Variants in PSMD7 observed in about 807,000 individuals in gnomAD.
The protein encoded by PSMD7 is proteasome 26S subunit, non-ATPase 7.
PSMD7 carries 13 observed loss-of-function variants against 36.4 expected under a neutral mutation model. The ratio of observed to expected loss-of-function variants is 0.36; its 90% CI spans 0.23 to 0.57. The LOEUF (loss-of-function observed/expected upper bound fraction) is 0.57. Ranked by LOEUF, PSMD7 falls within the 20% of genes least tolerant of loss-of-function variation. PSMD7 has a pLI of 0.83. For missense variants in PSMD7, 298 were observed against 393.6 expected, an observed-to-expected ratio of 0.76 and a Z score of 2.06; for synonymous variants, 186 against 151.0, an observed-to-expected ratio of 1.23 and a Z score of -1.70.
At chr16:74,300,229 T>C (rs1461443812) in intron 2 of PSMD7, 23 bp downstream of exon 2, 24 of 1,585,374 alleles carry the variant, frequency 1.5e-5, no homozygotes, top group Non-Finnish European at 2.0e-5. Flanking sequence ...TTTTATGTTT[T>C]TCCGAGCATG....
intron 1 of PSMD7, 136 bp from the exon 2 acceptor site, chr16:74,299,979 C>G: frequency 1.3e-6 from 1 of 755,142 alleles, no homozygotes. Context: ...AACCCTATTA[C>G]ATTGGTTTAG....
intron 1 of PSMD7, 86 bp downstream of exon 1, chr16:74,297,074 A>G (rs2034119065): frequency 1.4e-6 from 2 of 1,427,436 alleles, no homozygotes; most frequent in South Asian, 1.2e-5. Context: ...GCCGCGGACG[A>G]GCTGGGGACG....
At position 74,301,662 on chromosome 16, in the gene PSMD7, G is replaced by A; in HGVS notation, c.357+10G>A. On this transcript the variant is annotated intron_variant, in intron 4 of 6. Transcript: ENST00000219313. ...ATACTGTCCTAATTCCGTAAGTGGT[G>A]TCTATTTTTAAAACTCTTGAATGAT... is the stretch of plus-strand genomic sequence containing the variant. The A allele has an allele frequency of 1.9e-6, 3 of 1,598,440 alleles. No individual in the cohort carries two copies. Among genetic ancestry groups the A allele is most frequent in the South Asian group, 1.1e-5 (1 of 90,288 alleles).
chr16:74,298,883 G>C (rs2034134769), intron 1 of PSMD7, among the ~76,000 whole-genome samples: 1 of 151,956 alleles, frequency 6.6e-6, no homozygotes, highest in African/African-American at 2.4e-5. Flanking sequence ...CAAAAACAAA[G>C]AAGAGCACTA....
intron 1 of PSMD7, among the ~76,000 whole-genome samples, chr16:74,297,645 C>T (rs1164568082): frequency 6.6e-6 from 1 of 151,870 alleles, no homozygotes; most frequent in Admixed American, 6.6e-5. Flanking sequence ...TGCAGGGTGG[C>T]TACCTTCATT....
chr16:74,300,570 GGA>G (rs1567525488), intron 2 of PSMD7: 2 of 281,040 alleles, frequency 7.1e-6, no homozygotes, highest in South Asian at 5.2e-5. Context: ...GGTACAGTAA[GGA>G]GAGAGATGGG....
chr16:74,297,055 G>A, intron 1 of PSMD7, 67 bp downstream of exon 1: 2 of 1,543,298 alleles, frequency 1.3e-6, no homozygotes, highest in Non-Finnish European at 1.8e-6. Flanking sequence ...CGCTGGAGAT[G>A]GCGCGGCGGC....
intron 5 of PSMD7, 44 bp from the exon 6 acceptor site, chr16:74,304,259 C>T (rs748179898): frequency 1.9e-5 from 30 of 1,557,322 alleles, no homozygotes; most frequent in East Asian, 1.1e-4. Context: ...CATGTCAGTT[C>T]GTTTGTGGAA....
chr16:74,305,533 G>A lies in PSMD7; in HGVS notation c.775G>A (p.Val259Ile), dbSNP rs2034188968. 2 of 1,614,030 alleles carry A rather than the reference G, an allele frequency of 1.2e-6. No individual in the cohort carries two copies. The highest frequency in any genetic ancestry group is 1.7e-6 in the Non-Finnish European group (2 of 1,180,018). ...CCTGAAGACCAATGACCAGATGGTG[G>A]TAGTGTACTTGGCCTCGCTGATCCG... Reference protein sequence around the residue: ...FYLKTNDQMVVVYLASLIRSV... With the variant: ...FYLKTNDQMVIVYLASLIRSV... Residue 259 changes from valine (V) to isoleucine (I), a missense_variant, in exon 7 of 7, where the codon GTA becomes ATA. Coordinates refer to ENST00000219313, the MANE Select transcript of PSMD7 (RefSeq NM_002811.5).
In PSMD7 at chr16:74,296,844, C is replaced by G. The variant is rs938033639; in HGVS notation, c.-71C>G. On this transcript the variant is annotated 5_prime_UTR_variant, in exon 1 of 7. Transcript: ENST00000219313. The stretch of plus-strand genomic sequence containing the variant: ...AAGAGGAACTGGGCCTGAAAGGGTA[C>G]CGGTGACCGCTACTGCTGCCGGTGT... The G allele has an allele frequency of 7.2e-6, 11 of 1,535,922 alleles. No homozygotes were observed. In the Admixed American group the frequency reaches 9.1e-5, roughly 13 times the overall value.
At chr16:74,300,241 TTAAAA>T in intron 2 of PSMD7, 35 bp downstream of exon 2, 1 of 1,554,756 alleles carries the variant, frequency 6.4e-7, no homozygotes, top group Non-Finnish European at 8.9e-7. Flanking sequence ...CCGAGCATGA[TTAAAA>T]TGTCAGTTTA....
chr16:74,299,861 T>C (rs2034142288), intron 1 of PSMD7: 1 of 535,696 alleles, frequency 1.9e-6, no homozygotes, highest in Non-Finnish European at 3.3e-6. Flanking sequence ...TCTGTGAAGT[T>C]TGAAATTTTC....
Position 74,305,964 on chromosome 16 carries a change from C to G in PSMD7, c.*231C>G, listed in dbSNP as rs1418832655. On this transcript the variant is annotated 3_prime_UTR_variant, in exon 7 of 7. Transcript: ENST00000219313. ...TGAGTTGGGGATATGATAGTCAGCT[C>G]AGGCTTCAGATTGTATGAGAAAAAT... is the stretch of plus-strand genomic sequence containing the variant. 4 of 369,068 alleles carry G rather than the reference C, an allele frequency of 1.1e-5. No homozygotes were observed. Among genetic ancestry groups the G allele is most frequent in the Non-Finnish European group, 1.9e-5 (4 of 211,068 alleles). 22.9% of individuals were successfully genotyped at this position (369,068 alleles called of 1,614,324 possible).
chr16:74,301,756 T>C, intron 4 of PSMD7, 104 bp downstream of exon 4: 3 of 853,616 alleles, frequency 3.5e-6, no homozygotes, highest in Non-Finnish European at 5.7e-6. Flanking sequence ...GCTTACTGCT[T>C]TATCTCCATA....
chr16:74,304,448 G>T, intron 6 of PSMD7, 54 bp downstream of exon 6: 1 of 1,501,202 alleles, frequency 6.7e-7, no homozygotes, highest in Non-Finnish European at 9.3e-7. Flanking sequence ...GTCACACAGT[G>T]TAAGGAAGAG....
intron 1 of PSMD7, among the ~76,000 whole-genome samples, chr16:74,299,128 A>G (rs1251160682): frequency 1.3e-5 from 2 of 152,198 alleles, no homozygotes; most frequent in African/African-American, 4.8e-5. Context: ...TAAGAAAAAT[A>G]CTACAGTTAA....
At chr16:74,300,546 C>A in intron 2 of PSMD7, 1 of 331,136 alleles carries the variant, frequency 3.0e-6, no homozygotes, top group Non-Finnish European at 5.7e-6. Context: ...AACTGTTTAA[C>A]CACGCTTCTT....
intron 2 of PSMD7, among the ~76,000 whole-genome samples, chr16:74,300,790 T>C (rs774574121): frequency 1.3e-5 from 2 of 152,152 alleles, no homozygotes; most frequent in Non-Finnish European, 2.9e-5. Flanking sequence ...CTGAAAAGCA[T>C]GTGTCTTTTT....
At chr16:74,297,015 GGCGGCGCAGCC>G in intron 1 of PSMD7, 27 bp downstream of exon 1, 1 of 1,602,384 alleles carries the variant, frequency 6.2e-7, no homozygotes, top group South Asian at 1.1e-5. Context: ...TAGCTGGGCC[GGCGGCGCAGCC>G]GCTGCTGAGT....
Sources: allele counts gnomAD v4.1 joint callset (sites outside exome capture counted in the v4.1 genomes callset), GRCh38; gene constraint gnomAD v4.1.1; transcripts MANE v1.5; gene names NCBI Gene and HGNC (gene_info 2026-07-23, HGNC 2026-07-21).